Variants in UNC13C observed in about 807,000 individuals in gnomAD.
UNC13C encodes protein unc-13 homolog C.
A neutral mutation model predicts 245.4 loss-of-function variants in UNC13C; 174 were observed. That is an observed-to-expected ratio of 0.71 (90% CI 0.63 to 0.80). The LOEUF (loss-of-function observed/expected upper bound fraction) is 0.80. Among genes scored for constraint, UNC13C ranks in the 30% least tolerant of loss-of-function variants. UNC13C has a pLI of 0.00. For missense variants in UNC13C, 2,829 were observed against 2,602.9 expected, an observed-to-expected ratio of 1.09 and a Z score of -1.89; for synonymous variants, 992 against 895.1, an observed-to-expected ratio of 1.11 and a Z score of -1.93.
intron 30 of UNC13C, among the ~76,000 whole-genome samples, chr15:54,578,610 T>C (rs1898063393): frequency 6.6e-6 from 1 of 152,240 alleles, no homozygotes; most frequent in African/African-American, 2.4e-5. Context: ...AGTTTACCTA[T>C]AAATAACCAC....
the UNC13C span, among the ~76,000 whole-genome samples, chr15:53,851,603 G>A: frequency 6.6e-6 from 1 of 152,024 alleles, no homozygotes; most frequent in Non-Finnish European, 1.5e-5. Flanking sequence ...CCTGATTGTG[G>A]GTCATAAACC....
At position 54,184,562 on chromosome 15, in the gene UNC13C, C is replaced by A. The variant is rs28665266; in HGVS notation, c.3071+40878C>A. On this transcript the variant is annotated intron_variant, in intron 4 of 32. Coordinates refer to ENST00000260323, the MANE Select transcript of UNC13C (RefSeq NM_001080534.3). ...GATAGTTTGCTGAGAATGATGGTTTCCAGCTTCATCCATGTCCCTACAAAG... is the reference window on the plus strand; with the variant it reads ...GATAGTTTGCTGAGAATGATGGTTTACAGCTTCATCCATGTCCCTACAAAG... 4.9e-3 allele frequency among the ~76,000 whole-genome samples: 749 copies of A among 152,042 alleles called. 34 individuals carry two copies. In the East Asian group the frequency reaches 0.099, roughly 20 times the overall value.
rs192175057 is a variant in UNC13C, at chr15:54,410,617, A to C, written c.4848-4365A>C. 5.3e-5 allele frequency among the ~76,000 whole-genome samples: 8 copies of C among 152,172 alleles called. No homozygotes were observed. The East Asian group carries it at 1.6e-3, about 30-fold the overall frequency. On this transcript the variant is annotated intron_variant, in intron 18 of 32. Transcript: ENST00000260323. Reference sequence around the variant, plus strand: ...TCCCAGCATCATTTATTAAATGGGGAGTCGTTTCCCCATTGCTTTTGTCAG... The same window carrying C: ...TCCCAGCATCATTTATTAAATGGGGCGTCGTTTCCCCATTGCTTTTGTCAG...
chr15:54,204,350 T>C (rs2034642966), intron 4 of UNC13C, among the ~76,000 whole-genome samples: 1 of 145,354 alleles, frequency 6.9e-6, no homozygotes, highest in Non-Finnish European at 1.5e-5. Context: ...CGTTTTTACA[T>C]ACTGTCAATA....
chr15:53,984,477 A>T (rs1335207072), intron 1 of UNC13C, among the ~76,000 whole-genome samples: 1 of 152,174 alleles, frequency 6.6e-6, no homozygotes, highest in Non-Finnish European at 1.5e-5. Flanking sequence ...AAATCCCTTA[A>T]GTACAGTGTT....
chr15:54,399,770 G>T (rs1036727888), intron 18 of UNC13C, among the ~76,000 whole-genome samples: 1 of 151,928 alleles, frequency 6.6e-6, no homozygotes, highest in East Asian at 1.9e-4. Flanking sequence ...TGTTTTTAAA[G>T]ATAGGATGTT....
the UNC13C span, chr15:53,967,930 T>G: frequency 6.6e-6 from 1 of 152,214 alleles, no homozygotes; most frequent in Non-Finnish European, 1.5e-5. Context: ...TCATTTTTTT[T>G]TCAGTTATCT....
rs772656061 is a variant in UNC13C, at chr15:54,015,387, A to G, written c.2484A>G (p.Ser828=). Residue 828 remains serine, a synonymous_variant, in exon 2 of 33, where the codon TCA becomes TCG. Coordinates refer to ENST00000260323, the MANE Select transcript of UNC13C (RefSeq NM_001080534.3). ...GTGGGTATGAGGACAGTGGCTCTTC[A>G]TTAATGGGGAGATTTCGGACATTAT... ...SLSGYEDSGS[S]LMGRFRTLSQ... is the part of the protein sequence containing the mutation. 6.2e-7 allele frequency: 1 copy of G among 1,613,838 alleles called. No homozygotes were observed. The highest frequency in any genetic ancestry group is 1.1e-5 in the South Asian group (1 of 91,086).
At chr15:54,088,116 C>T (rs78049243) in intron 2 of UNC13C, among the ~76,000 whole-genome samples, 2 of 151,102 alleles carry the variant, frequency 1.3e-5, no homozygotes, top group Non-Finnish European at 2.9e-5. Context: ...AAATTGCCTC[C>T]TATATTTTTT....
chr15:53,846,926 C>G, the UNC13C span, among the ~76,000 whole-genome samples: 2 of 152,116 alleles, frequency 1.3e-5, no homozygotes, highest in African/African-American at 4.8e-5. Context: ...AGTCCATAAT[C>G]TGGCTTTGGA....
At chr15:54,337,278 C>G (rs1441144229) in intron 16 of UNC13C, among the ~76,000 whole-genome samples, 1 of 152,162 alleles carries the variant, frequency 6.6e-6, no homozygotes, top group Admixed American at 6.5e-5. Context: ...CATACTCAAC[C>G]AGCGTTGTTT....
intron 8 of UNC13C, among the ~76,000 whole-genome samples, chr15:54,252,350 TTAAA>T (rs1442872993): frequency 2.6e-5 from 4 of 152,186 alleles, no homozygotes; most frequent in African/African-American, 7.2e-5. Flanking sequence ...TTTATATTTG[TTAAA>T]TAAATTATGC....
At chr15:54,451,986 T>C (rs545226716) in intron 19 of UNC13C, among the ~76,000 whole-genome samples, 63 of 152,340 alleles carry the variant, frequency 4.1e-4, no homozygotes, top group Middle Eastern at 6.8e-3. Context: ...TGATTCTCAG[T>C]GCATGCAGTA....
chr15:54,499,979 T>C, intron 20 of UNC13C, 100 bp from the exon 21 acceptor site: 1 of 863,420 alleles, frequency 1.2e-6, no homozygotes. Context: ...AAGGAGATTG[T>C]TGATTCTAAA....
At chr15:53,915,450 T>C in the UNC13C span, among the ~76,000 whole-genome samples, 36,827 of 152,168 alleles carry the variant, frequency 0.24, 4,621 homozygotes, top group Non-Finnish European at 0.28. Context: ...AAGACAATTA[T>C]GAACCTTACC....
chr15:53,894,972 T>G, the UNC13C span, among the ~76,000 whole-genome samples: 3 of 147,604 alleles, frequency 2.0e-5, no homozygotes, highest in Non-Finnish European at 4.5e-5. Context: ...ATTATGTTTA[T>G]CAATATTACA....
At position 54,627,342 on chromosome 15, in the gene UNC13C, A is replaced by C. The variant is rs1901246414; in HGVS notation, c.*229A>C. The C allele has an allele frequency of 5.3e-6, 2 of 374,306 alleles. No homozygotes were observed. The highest frequency in any genetic ancestry group is 9.6e-6 in the Non-Finnish European group (2 of 207,986). The allele number at this position is 374,306 out of a possible 1,614,324, so 23.2% of individuals were successfully genotyped here. A position where few individuals can be genotyped will look rare whatever the true frequency, so the allele number is the denominator to read the frequency against. On this transcript the variant is annotated 3_prime_UTR_variant, in exon 33 of 33. Coordinates refer to ENST00000260323, the MANE Select transcript of UNC13C (RefSeq NM_001080534.3). Reference sequence around the variant, plus strand: ...TGATGTAAAGTGAAATATCAAGAACACCTTTTAACATGTTTATTTTGTTTC... The same window carrying C: ...TGATGTAAAGTGAAATATCAAGAACCCCTTTTAACATGTTTATTTTGTTTC...
At chr15:54,460,913 A>G (rs1295320245) in intron 19 of UNC13C, among the ~76,000 whole-genome samples, 1 of 152,198 alleles carries the variant, frequency 6.6e-6, no homozygotes, top group African/African-American at 2.4e-5. Flanking sequence ...TGCTGTTGTA[A>G]TAGTTATAAA....
intron 18 of UNC13C, among the ~76,000 whole-genome samples, chr15:54,399,562 C>T (rs2040139497): frequency 6.6e-6 from 1 of 151,708 alleles, no homozygotes; most frequent in Non-Finnish European, 1.5e-5. Flanking sequence ...TTTTAGTTTT[C>T]TCCAAAAATA....
Sources: gnomAD v4.1 joint callset for allele counts (sites outside exome capture counted in the v4.1 genomes callset) on GRCh38, gnomAD v4.1.1 for gene constraint, MANE v1.5 for transcripts, NCBI Gene and HGNC (gene_info 2026-07-23, HGNC 2026-07-21) for gene names.